Variants in RGMB observed in about 807,000 individuals in gnomAD.
RGMB encodes repulsive guidance molecule B.
Under a neutral mutation model 26.9 loss-of-function variants are expected in RGMB, and 16 were observed. The observed-to-expected ratio is 0.60, with a 90% CI of 0.40 to 0.90. RGMB has a LOEUF of 0.90. RGMB is among the 40% of genes least tolerant of loss of function. The pLI is 0.00. For missense variants in RGMB, 512 were observed against 573.3 expected (o/e 0.89, Z 1.09); for synonymous variants, 225 against 229.3 (o/e 0.98, Z 0.17).
chr5:98,774,493 G>A (rs1746323391), intron 1 of RGMB, among the ~76,000 whole-genome samples: 1 of 152,184 alleles, frequency 6.6e-6, no homozygotes, highest in Non-Finnish European at 1.5e-5. Context: ...AACATTTAGC[G>A]GGCGGGGGCC....
chr5:98,779,335 T>C (rs771553578), intron 1 of RGMB, among the ~76,000 whole-genome samples: 1 of 152,230 alleles, frequency 6.6e-6, no homozygotes, highest in Non-Finnish European at 1.5e-5. Flanking sequence ...TAGACTCATG[T>C]TCACTCACAG....
chr5:98,782,990 C>G (rs1746655337), intron 2 of RGMB, among the ~76,000 whole-genome samples: 1 of 152,220 alleles, frequency 6.6e-6, no homozygotes, highest in Non-Finnish European at 1.5e-5. Flanking sequence ...GGCAGACATG[C>G]CTGCGGTGCT....
At chr5:98,790,281 A>C (rs1434620262) in intron 2 of RGMB, among the ~76,000 whole-genome samples, 1 of 152,216 alleles carries the variant, frequency 6.6e-6, no homozygotes, top group South Asian at 2.1e-4. Flanking sequence ...CACCCCCCTC[A>C]GCATTTTGAT....
chr5:98,784,616 A>G (rs973061291), intron 2 of RGMB, among the ~76,000 whole-genome samples: 2 of 152,230 alleles, frequency 1.3e-5, no homozygotes, highest in East Asian at 3.8e-4. Context: ...ACATGCCTGC[A>G]TTGCAACAGC....
chr5:98,787,152 G>A (rs1457013587), intron 2 of RGMB, among the ~76,000 whole-genome samples: 3 of 152,176 alleles, frequency 2.0e-5, no homozygotes. Context: ...TGTTTTGTAG[G>A]ATTTCGGTTA....
At chr5:98,782,806 G>A (rs542599506) in intron 2 of RGMB, among the ~76,000 whole-genome samples, 7 of 152,190 alleles carry the variant, frequency 4.6e-5, no homozygotes, top group Admixed American at 3.3e-4. Context: ...TGAGCAAGCC[G>A]TCTTCAAGCC....
At chr5:98,769,854 G>A (rs72773678), upstream of RGMB, 11,281 of 152,494 alleles carry the variant, frequency 0.074, 519 homozygotes, top group South Asian at 0.22. Context: ...GCCTGGAACC[G>A]GCTAGATCCT....
chr5:98,772,434 G>A (rs1447175036), upstream of RGMB, among the ~76,000 whole-genome samples: 1 of 152,220 alleles, frequency 6.6e-6, no homozygotes, highest in Non-Finnish European at 1.5e-5. Context: ...CATGTCCGTG[G>A]TTGATAAGAA....
At chr5:98,770,624 C>A (rs1746124435), upstream of RGMB, 1 of 1,379,622 alleles carries the variant, frequency 7.2e-7, no homozygotes. Context: ...AGTTCAGGGG[C>A]CCCCTGATCC....
At position 98,792,644 on chromosome 5, in the gene RGMB, G is replaced by A. The variant is rs368406177; in HGVS notation, c.646-441G>A. ...AAATCAGCCACGCATGGTGGTATAT[G>A]CCCTTAGTCCTGTGTACTCAGGAGG... is the stretch of plus-strand genomic sequence containing the variant. On this transcript the variant is annotated intron_variant, in intron 2 of 2. Transcript: ENST00000513185. 3.1e-5 allele frequency among the ~76,000 whole-genome samples: 4 copies of A among 130,624 alleles called. No homozygotes were observed. In the Admixed American group the frequency reaches 3.9e-4, roughly 13 times the overall value. 85.7% of individuals were successfully genotyped at this position (130,624 alleles called of 152,430 possible). A position where few individuals can be genotyped will look rare whatever the true frequency, so the allele number is the denominator to read the frequency against.
At chr5:98,774,411 G>T (rs888091327) in intron 1 of RGMB, among the ~76,000 whole-genome samples, 5 of 152,308 alleles carry the variant, frequency 3.3e-5, no homozygotes, top group South Asian at 2.1e-4. Flanking sequence ...GCGCAGAGAC[G>T]AGCCTTCTCT....
chr5:98,774,216 G>T lies in RGMB; in HGVS notation c.136+10G>T. The T allele has an allele frequency of 7.0e-7, 1 of 1,424,632 alleles. No homozygotes were observed. Among genetic ancestry groups the T allele is most frequent in the South Asian group, 1.4e-5 (1 of 69,324 alleles). The allele number at this position is 1,424,632 out of a possible 1,614,324, so 88.2% of individuals were successfully genotyped here. On this transcript the variant is annotated intron_variant, in intron 1 of 2. Transcript: ENST00000513185. ...GGGCTGCTCCACGCAGGTAGGACGGGAGCGCGCGAGGGGAGCCAGCCCCGG... is the reference window on the plus strand; with the variant it reads ...GGGCTGCTCCACGCAGGTAGGACGGTAGCGCGCGAGGGGAGCCAGCCCCGG...
At chr5:98,787,468 T>TA (rs1367512969) in intron 2 of RGMB, among the ~76,000 whole-genome samples, 2 of 152,214 alleles carry the variant, frequency 1.3e-5, no homozygotes, top group Non-Finnish European at 2.9e-5. Flanking sequence ...GGCTGAGAGT[T>TA]ACTGCCACCA....
upstream of RGMB, chr5:98,770,352 G>A (rs1414281147): frequency 1.1e-5 from 4 of 369,346 alleles, no homozygotes; most frequent in Non-Finnish European, 1.9e-5. Flanking sequence ...TTGTTTCGAA[G>A]GGAAGGCTGC....
chr5:98,788,811 G>A (rs942412276), intron 2 of RGMB, among the ~76,000 whole-genome samples: 1 of 152,210 alleles, frequency 6.6e-6, no homozygotes, highest in Non-Finnish European at 1.5e-5. Flanking sequence ...ACCCTTGGAA[G>A]TAAAATTTGG....
At chr5:98,792,411 C>T (rs2112378490) in intron 2 of RGMB, among the ~76,000 whole-genome samples, 1 of 152,242 alleles carries the variant, frequency 6.6e-6, no homozygotes, top group South Asian at 2.1e-4. Context: ...ACTTTGGAAG[C>T]AGACAAGATA....
chr5:98,787,414 C>G (rs1465352607), intron 2 of RGMB, among the ~76,000 whole-genome samples: 1 of 152,192 alleles, frequency 6.6e-6, no homozygotes, highest in Non-Finnish European at 1.5e-5. Context: ...CTCTCTCTAC[C>G]AGGAGAGGGA....
intron 2 of RGMB, among the ~76,000 whole-genome samples, chr5:98,783,851 G>A (rs1437898086): frequency 6.6e-6 from 1 of 152,172 alleles, no homozygotes; most frequent in Non-Finnish European, 1.5e-5. Flanking sequence ...CAATGGAAAT[G>A]TTTTTAGTAA....
In RGMB at chr5:98,793,558, C is replaced by A; in HGVS notation, c.1119C>A (p.Val373=). The A allele has an allele frequency of 6.2e-7, 1 of 1,614,044 alleles. No individual in the cohort carries two copies. The highest frequency in any genetic ancestry group is 1.1e-5 in the South Asian group (1 of 91,090). Residue 373 remains valine, a synonymous_variant, in exon 3 of 3, where the codon GTC becomes GTA. Transcript: ENST00000513185. ...AGGACATCTATTTCCAGTCCTGTGT[C>A]TTCGACCTGCTCACCACTGGTGATG... ...PVKDIYFQSC[V]FDLLTTGDAN...
Sources: gnomAD v4.1 joint callset for allele counts (sites outside exome capture counted in the v4.1 genomes callset) on GRCh38, gnomAD v4.1.1 for gene constraint, MANE v1.5 for transcripts, NCBI Gene and HGNC (gene_info 2026-07-23, HGNC 2026-07-21) for gene names.